Variants in BMAL2 observed in about 807,000 individuals in gnomAD.
BMAL2 encodes basic helix-loop-helix ARNT like 2, also known as basic helix-loop-helix ARNT-like protein 2.
the BMAL2 span, among the ~76,000 whole-genome samples, chr12:27,393,418 C>T: frequency 6.6e-6 from 1 of 152,210 alleles, no homozygotes; most frequent in Non-Finnish European, 1.5e-5. Context: ...GCATTTCTAG[C>T]AAGCTCCCAG....
At chr12:27,355,259 C>T in the BMAL2 span, among the ~76,000 whole-genome samples, 1 of 152,158 alleles carries the variant, frequency 6.6e-6, no homozygotes, top group East Asian at 1.9e-4. Context: ...TGATGTTACA[C>T]TAGGCAACAT....
At chr12:27,396,537 C>T in the BMAL2 span, among the ~76,000 whole-genome samples, 7 of 152,170 alleles carry the variant, frequency 4.6e-5, no homozygotes, top group East Asian at 9.7e-4. Flanking sequence ...TCCTAGATGC[C>T]GGAAGGTTTT....
the BMAL2 span, among the ~76,000 whole-genome samples, chr12:27,366,884 T>G: frequency 4.6e-5 from 7 of 152,180 alleles, no homozygotes; most frequent in African/African-American, 1.7e-4. Flanking sequence ...ATAAAGAATT[T>G]GTAATAAAAC....
the BMAL2 span, among the ~76,000 whole-genome samples, chr12:27,413,555 C>T: frequency 6.6e-6 from 1 of 152,024 alleles, no homozygotes; most frequent in African/African-American, 2.4e-5. Context: ...ACAAAAAAAT[C>T]ATCAAATCAC....
the BMAL2 span, among the ~76,000 whole-genome samples, chr12:27,382,324 A>G: frequency 6.6e-6 from 1 of 152,324 alleles, no homozygotes; most frequent in South Asian, 2.1e-4. Context: ...CTGAGCATCA[A>G]CCGCATTCCT....
the BMAL2 span, among the ~76,000 whole-genome samples, chr12:27,365,720 A>G: frequency 7.4e-6 from 1 of 135,268 alleles, no homozygotes; most frequent in Non-Finnish European, 1.7e-5. Flanking sequence ...TATGACCCCA[A>G]ATTTTTTTTT....
the BMAL2 span, among the ~76,000 whole-genome samples, chr12:27,347,201 TAAA>T: frequency 2.0e-5 from 3 of 152,224 alleles, no homozygotes; most frequent in Admixed American, 2.0e-4. Context: ...AAGTACGAGA[TAAA>T]CCCAACATCT....
chr12:27,415,856 T>TCA, the BMAL2 span: 1 of 1,566,734 alleles, frequency 6.4e-7, no homozygotes. Flanking sequence ...GTTTTATGTA[T>TCA]CACTTTTTAA....
the BMAL2 span, among the ~76,000 whole-genome samples, chr12:27,397,758 G>A: frequency 1.2e-4 from 18 of 152,318 alleles, no homozygotes; most frequent in African/African-American, 4.1e-4. Flanking sequence ...TTGTGAAATC[G>A]CAGGCTGATG....
chr12:27,419,504 C>T, the BMAL2 span, among the ~76,000 whole-genome samples: 1 of 152,210 alleles, frequency 6.6e-6, no homozygotes, highest in Non-Finnish European at 1.5e-5. Context: ...CATTCATGAG[C>T]ACAAAGGCCT....
At chr12:27,333,190 C>T in the BMAL2 span, 1 of 1,175,858 alleles carries the variant, frequency 8.5e-7, no homozygotes, top group Non-Finnish European at 1.1e-6. Context: ...CCAGGTCTGC[C>T]CCCGCTGCCC....
chr12:27,424,686 G>C, the BMAL2 span: 1 of 152,138 alleles, frequency 6.6e-6, no homozygotes, highest in Non-Finnish European at 1.5e-5. Context: ...CCCTCAGGTG[G>C]GTCATCACTG....
chr12:27,334,580 T>C, the BMAL2 span, among the ~76,000 whole-genome samples: 1 of 152,224 alleles, frequency 6.6e-6, no homozygotes, highest in Non-Finnish European at 1.5e-5. Flanking sequence ...AAAATGCACC[T>C]ACTAATTCAA....
the BMAL2 span, among the ~76,000 whole-genome samples, chr12:27,386,857 A>G: frequency 1.3e-5 from 2 of 151,982 alleles, no homozygotes; most frequent in Non-Finnish European, 2.9e-5. Context: ...TCTCAAACTC[A>G]TGAGCTCAAG....
the BMAL2 span, chr12:27,420,328 C>G: frequency 6.3e-7 from 1 of 1,575,086 alleles, no homozygotes; most frequent in Non-Finnish European, 8.6e-7. Flanking sequence ...TTTTTAACCT[C>G]AAAATGTGTG....
the BMAL2 span, among the ~76,000 whole-genome samples, chr12:27,413,898 G>A: frequency 5.9e-5 from 9 of 152,144 alleles, no homozygotes; most frequent in Non-Finnish European, 1.3e-4. Flanking sequence ...GCTGGGCATG[G>A]TGGCACACAC....
chr12:27,346,219 T>C, the BMAL2 span, among the ~76,000 whole-genome samples: 1 of 145,776 alleles, frequency 6.9e-6, no homozygotes, highest in Non-Finnish European at 1.5e-5. Context: ...ATTCCCACTT[T>C]ATCTTATCTC....
At chr12:27,410,645 A>C in the BMAL2 span, among the ~76,000 whole-genome samples, 3 of 152,318 alleles carry the variant, frequency 2.0e-5, no homozygotes, top group East Asian at 5.8e-4. Flanking sequence ...ACCTAATGTT[A>C]AATGAAGAGT....
the BMAL2 span, chr12:27,418,192 C>T: frequency 1.2e-6 from 2 of 1,601,554 alleles, no homozygotes; most frequent in Middle Eastern, 3.3e-4. Context: ...ATGAGCCACT[C>T]CTCAGTAAGT....
Sources: allele counts gnomAD v4.1 joint callset (sites outside exome capture counted in the v4.1 genomes callset), GRCh38; gene constraint gnomAD v4.1.1; transcripts MANE v1.5; gene names NCBI Gene and HGNC (gene_info 2026-07-23, HGNC 2026-07-21).